SH3RF1: variants seen among roughly 807,000 people sequenced by gnomAD.
SH3RF1 encodes the protein SH3 domain containing ring finger 1.
SH3RF1 carries 32 observed loss-of-function variants against 74.0 expected under a neutral mutation model. The observed-to-expected ratio is 0.43, with a 90% CI of 0.33 to 0.58. The LOEUF is 0.58. Among genes scored for constraint, SH3RF1 ranks in the 20% least tolerant of loss-of-function variants. The pLI, the probability that SH3RF1 is intolerant of heterozygous loss-of-function variation, is 0.05. For missense variants in SH3RF1, 954 were observed against 1,130.9 expected, an observed-to-expected ratio of 0.84 and a Z score of 2.24; for synonymous variants, 396 against 439.6, an observed-to-expected ratio of 0.90 and a Z score of 1.24.
At chr4:169,238,159 C>A (rs73863702) in intron 2 of SH3RF1, among the ~76,000 whole-genome samples, 8,317 of 152,236 alleles carry the variant, frequency 0.055, 360 homozygotes, top group Admixed American at 0.15. Context: ...GCAATATAGT[C>A]TTCAATAAAG....
rs1054983154 is a variant in SH3RF1, at chr4:169,117,711, A to G, written c.1589T>C (p.Met530Thr). 9.9e-6 allele frequency: 16 copies of G among 1,614,092 alleles called. No homozygotes were observed. The highest frequency in any genetic ancestry group is 1.6e-4 in the Middle Eastern group (1 of 6,084). Residue 530 changes from methionine to threonine, a missense_variant, in exon 9 of 12, where the codon ATG (methionine) becomes ACG (threonine). Around this residue, in one of 3 missense-constraint regions of SH3RF1, gnomAD observed 854 missense variants for 962.5 expected, o/e 0.89. Coordinates refer to ENST00000284637, the MANE Select transcript of SH3RF1 (RefSeq NM_020870.4). ...TAGQTSRGVT[M>T]VSPSTAGGPA... ...CCCTCCTGCCGTGGAAGGACTGACCATGGTCACTCCCCGACTTGTCTGGCC... is the reference window on the plus strand; with the variant it reads ...CCCTCCTGCCGTGGAAGGACTGACCGTGGTCACTCCCCGACTTGTCTGGCC...
intron 6 of SH3RF1, among the ~76,000 whole-genome samples, chr4:169,125,115 G>A (rs1257515413): frequency 6.6e-6 from 1 of 152,176 alleles, no homozygotes; most frequent in Non-Finnish European, 1.5e-5. Flanking sequence ...GTCATATTTT[G>A]CCATGTCCAG....
intron 2 of SH3RF1, among the ~76,000 whole-genome samples, chr4:169,228,044 T>C (rs1303846967): frequency 6.6e-6 from 1 of 152,244 alleles, no homozygotes; most frequent in African/African-American, 2.4e-5. Flanking sequence ...CTACTATTTT[T>C]GTTCACGTAG....
chr4:169,222,196 G>A (rs968397016), intron 2 of SH3RF1, among the ~76,000 whole-genome samples: 1 of 152,188 alleles, frequency 6.6e-6, no homozygotes, highest in African/African-American at 2.4e-5. Context: ...GGTCATGGTG[G>A]CTTACGCCTG....
intron 10 of SH3RF1, among the ~76,000 whole-genome samples, chr4:169,111,547 G>A (rs1374357151): frequency 1.3e-5 from 2 of 151,754 alleles, no homozygotes; most frequent in Non-Finnish European, 2.9e-5. Flanking sequence ...TTATAGGTGT[G>A]AGCCACTGTG....
At chr4:169,158,957 T>C (rs1244425150) in intron 2 of SH3RF1, among the ~76,000 whole-genome samples, 1 of 152,206 alleles carries the variant, frequency 6.6e-6, no homozygotes, top group Non-Finnish European at 1.5e-5. Flanking sequence ...CCATGTGATG[T>C]TGTAGTTGGT....
chr4:169,201,222 C>G (rs1210296274), intron 2 of SH3RF1, among the ~76,000 whole-genome samples: 1 of 152,102 alleles, frequency 6.6e-6, no homozygotes. Flanking sequence ...AAGTTTCTAT[C>G]AGAAAAACAC....
At chr4:169,223,695 C>A (rs529702851) in intron 2 of SH3RF1, among the ~76,000 whole-genome samples, 1 of 152,252 alleles carries the variant, frequency 6.6e-6, no homozygotes, top group East Asian at 1.9e-4. Flanking sequence ...GATGGGCAAG[C>A]ATATCAACAA....
intron 4 of SH3RF1, among the ~76,000 whole-genome samples, chr4:169,153,681 A>G (rs1734007651): frequency 6.6e-6 from 1 of 152,216 alleles, no homozygotes; most frequent in South Asian, 2.1e-4. Flanking sequence ...CCTACCAGGA[A>G]GTTCAATCTG....
At chr4:169,207,227 G>A (rs1730277629) in intron 2 of SH3RF1, among the ~76,000 whole-genome samples, 1 of 152,028 alleles carries the variant, frequency 6.6e-6, no homozygotes, top group Non-Finnish European at 1.5e-5. Context: ...CAACAGGCTG[G>A]GATAATAAGA....
chr4:169,142,128 A>AT (rs558436189), intron 4 of SH3RF1, among the ~76,000 whole-genome samples: 78 of 150,946 alleles, frequency 5.2e-4, no homozygotes, highest in East Asian at 9.8e-4. Context: ...TTAATTTGCA[A>AT]TTTTTTTAGT....
rs189684820 is a variant in SH3RF1 at position 169,122,748 on chromosome 4, C to T, written c.1180-482G>A. On this transcript the variant is annotated intron_variant, in intron 6 of 11. Transcript: ENST00000284637. Reference sequence around the variant, plus strand: ...CTTCAGAAGAAAATTTCCTTTGATGCCTGGTCTACAAAAAGCCCAAACAAT... The same window carrying T: ...CTTCAGAAGAAAATTTCCTTTGATGTCTGGTCTACAAAAAGCCCAAACAAT... Among the ~76,000 whole-genome samples the T allele has an allele frequency of 1.7e-3, 256 of 152,244 alleles. 2 individuals carry two copies. The highest frequency in any genetic ancestry group is 5.9e-3 in the African/African-American group (246 of 41,546).
At chr4:169,231,330 G>T (rs1184776504) in intron 2 of SH3RF1, among the ~76,000 whole-genome samples, 1 of 152,150 alleles carries the variant, frequency 6.6e-6, no homozygotes, top group Non-Finnish European at 1.5e-5. Context: ...CACTTTGGGG[G>T]GCCAAGGCAG....
At chr4:169,175,389 C>T (rs1217379118) in intron 2 of SH3RF1, among the ~76,000 whole-genome samples, 1 of 152,162 alleles carries the variant, frequency 6.6e-6, no homozygotes, top group Non-Finnish European at 1.5e-5. Flanking sequence ...TCTCTGGCTC[C>T]CTCTCCAATT....
chr4:169,243,715 A>C (rs1371988384), intron 2 of SH3RF1, among the ~76,000 whole-genome samples: 1 of 152,194 alleles, frequency 6.6e-6, no homozygotes, highest in Non-Finnish European at 1.5e-5. Context: ...TCCTCAACAG[A>C]TTCTTGCACT....
At chr4:169,138,035 T>C (rs1733727100) in intron 4 of SH3RF1, among the ~76,000 whole-genome samples, 2 of 152,154 alleles carry the variant, frequency 1.3e-5, no homozygotes, top group South Asian at 2.1e-4. Context: ...GAAGTACCAA[T>C]GGCGGGAGAA....
chr4:169,180,583 A>G (rs1260278614), intron 2 of SH3RF1, among the ~76,000 whole-genome samples: 1 of 152,172 alleles, frequency 6.6e-6, no homozygotes, highest in East Asian at 1.9e-4. Context: ...CCTATCCAGC[A>G]TTTGGGTTCT....
chr4:169,258,255 T>C (rs960297167), intron 2 of SH3RF1, among the ~76,000 whole-genome samples: 14 of 152,212 alleles, frequency 9.2e-5, no homozygotes, highest in Non-Finnish European at 2.1e-4. Flanking sequence ...ACATCATATA[T>C]TTTCATGCTT....
chr4:169,174,618 T>G (rs896507305), intron 2 of SH3RF1, among the ~76,000 whole-genome samples: 1 of 152,118 alleles, frequency 6.6e-6, no homozygotes, highest in Non-Finnish European at 1.5e-5. Flanking sequence ...CTTTTCTAAC[T>G]AAATTTACTC....
Sources: gnomAD v4.1 joint callset for allele counts (sites outside exome capture counted in the v4.1 genomes callset) on GRCh38, gnomAD v4.1.1 for gene constraint, gnomAD v4.1.1 regional missense constraint, MANE v1.5 for transcripts, NCBI Gene and HGNC (gene_info 2026-07-23, HGNC 2026-07-21) for gene names.